Variants in CFAP92 observed in about 807,000 individuals in gnomAD.
CFAP92 encodes cilia and flagella associated protein 92 (putative).
Under a neutral mutation model 106.3 loss-of-function variants are expected in CFAP92, and 86 were observed. That is an observed-to-expected ratio of 0.81 (90% CI 0.68 to 0.97). The LOEUF (loss-of-function observed/expected upper bound fraction) is 0.97, where lower values mean the gene tolerates loss of function less well. Ranked by LOEUF, CFAP92 falls within the 50% of genes least tolerant of loss-of-function variation. CFAP92 has a pLI of 0.00. For missense variants in CFAP92, 1,204 were observed against 1,283.8 expected (o/e 0.94, Z 0.95); for synonymous variants, 477 against 506.4 (o/e 0.94, Z 0.78).
chr3:129,024,027 C>T, the CFAP92 span, among the ~76,000 whole-genome samples: 2 of 152,222 alleles, frequency 1.3e-5, no homozygotes, highest in Non-Finnish European at 2.9e-5. Context: ...TTTCCTTGCA[C>T]TTCCACCCCT....
At chr3:128,911,409 C>G (rs1303967442) in intron 15 of CFAP92, among the ~76,000 whole-genome samples, 1 of 152,078 alleles carries the variant, frequency 6.6e-6, no homozygotes, top group Non-Finnish European at 1.5e-5. Context: ...CGCAGGACCC[C>G]TGGCATCTGC....
At chr3:128,952,866 C>A (rs953040770) in intron 9 of CFAP92, among the ~76,000 whole-genome samples, 1 of 151,228 alleles carries the variant, frequency 6.6e-6, no homozygotes, top group Non-Finnish European at 1.5e-5. Context: ...GGGTGGCTCA[C>A]GAGATCAGGA....
chr3:128,945,577 G>A lies in CFAP92; in HGVS notation c.1752C>T (p.Val584=). 2 of 1,536,162 alleles carry A rather than the reference G, an allele frequency of 1.3e-6. No individual in the cohort carries two copies. Among genetic ancestry groups the A allele is most frequent in the Non-Finnish European group, 8.7e-7 (1 of 1,146,918 alleles). Reference sequence around the variant, plus strand: ...GCTGAACCTCACAGCTGTGGATGGGGACGGCCAGATTCAAGTACTTGTGGC... The same window carrying A: ...GCTGAACCTCACAGCTGTGGATGGGAACGGCCAGATTCAAGTACTTGTGGC... ...LLGHKYLNLA[V]PIHSCEVQPT... The change falls in exon 10 of 16, where the codon GTC becomes GTT. Residue 584 remains valine (V), a synonymous_variant. Coordinates refer to ENST00000645291, the MANE Select transcript of CFAP92 (RefSeq NM_001394090.1).
At chr3:128,926,964 C>T (rs552658229) in intron 12 of CFAP92, among the ~76,000 whole-genome samples, 71 of 152,068 alleles carry the variant, frequency 4.7e-4, no homozygotes, top group Non-Finnish European at 7.8e-4. Flanking sequence ...TGTGGTGGCG[C>T]ATGCTTGTAG....
At chr3:128,910,656 G>C in intron 15 of CFAP92, 2 of 1,456,048 alleles carry the variant, frequency 1.4e-6, no homozygotes, top group South Asian at 2.3e-5. Flanking sequence ...ATGCTACCCA[G>C]TTTGGCTGAT....
chr3:129,002,096 T>G (rs1340593423), intron 1 of CFAP92: 1 of 1,509,652 alleles, frequency 6.6e-7, no homozygotes, highest in Admixed American at 2.2e-5. Context: ...TCGGCACCCG[T>G]GCGGGGCCCC....
intron 12 of CFAP92, among the ~76,000 whole-genome samples, chr3:128,917,616 TAAG>T (rs763320293): frequency 8.5e-5 from 13 of 152,098 alleles, no homozygotes; most frequent in Non-Finnish European, 1.8e-4. Flanking sequence ...GAATTTAACA[TAAG>T]AAATTGTTTT....
chr3:128,916,386 T>A (rs1936820693), intron 12 of CFAP92, 115 bp from the exon 13 acceptor site: 1 of 629,514 alleles, frequency 1.6e-6, no homozygotes, highest in South Asian at 8.6e-5. Flanking sequence ...ATTGATTGAT[T>A]CTTCAATACT....
chr3:129,024,837 G>A, the CFAP92 span, among the ~76,000 whole-genome samples: 1 of 152,168 alleles, frequency 6.6e-6, no homozygotes, highest in Non-Finnish European at 1.5e-5. Context: ...TGAACTTTGG[G>A]GGACACATTC....
chr3:128,930,490 G>A (rs1406110481), intron 12 of CFAP92, among the ~76,000 whole-genome samples: 5 of 148,528 alleles, frequency 3.4e-5, no homozygotes, highest in African/African-American at 5.1e-5. Flanking sequence ...GCCAGGCGTG[G>A]TCACCTGTAA....
intron 5 of CFAP92, among the ~76,000 whole-genome samples, chr3:128,977,814 G>A (rs898646397): frequency 6.6e-6 from 1 of 152,200 alleles, no homozygotes; most frequent in East Asian, 1.9e-4. Context: ...AGCCAAGATC[G>A]TGCCATTGCA....
chr3:128,928,752 C>T (rs760943406), intron 12 of CFAP92, among the ~76,000 whole-genome samples: 2 of 151,406 alleles, frequency 1.3e-5, no homozygotes, highest in Non-Finnish European at 2.9e-5. Context: ...ACTATAACAC[C>T]AAAAGCATGA....
chr3:128,972,811 C>T (rs1007197929), intron 7 of CFAP92, among the ~76,000 whole-genome samples: 8 of 151,054 alleles, frequency 5.3e-5, no homozygotes, highest in Admixed American at 2.6e-4. Context: ...GCCCAGATCG[C>T]GCCATTGTAC....
At chr3:128,940,872 CTT>C in intron 10 of CFAP92, among the ~76,000 whole-genome samples, 1 of 151,394 alleles carries the variant, frequency 6.6e-6, no homozygotes, top group East Asian at 1.9e-4. Context: ...AAAGTATGGA[CTT>C]TGATGAAAAA....
At chr3:129,001,396 T>G (rs576328186) in intron 1 of CFAP92, among the ~76,000 whole-genome samples, 4 of 152,296 alleles carry the variant, frequency 2.6e-5, no homozygotes, top group Admixed American at 1.3e-4. Context: ...CTGGTGGCGC[T>G]GCCGGGGTCC....
upstream of CFAP92, chr3:129,003,789 C>G (rs1944920952): frequency 8.3e-6 from 12 of 1,440,406 alleles, no homozygotes; most frequent in Non-Finnish European, 1.0e-5. Context: ...GCCCTGTCCC[C>G]GCAGGTCGGA....
intron 10 of CFAP92, among the ~76,000 whole-genome samples, chr3:128,939,742 G>A (rs1433098343): frequency 3.3e-5 from 5 of 152,162 alleles, no homozygotes; most frequent in African/African-American, 9.7e-5. Context: ...GGGGTTGGGA[G>A]GATGATTTCA....
intron 10 of CFAP92, among the ~76,000 whole-genome samples, chr3:128,941,620 G>A (rs1280932298): frequency 2.0e-5 from 3 of 152,122 alleles, no homozygotes; most frequent in Non-Finnish European, 4.4e-5. Flanking sequence ...GGGAATACAA[G>A]CATGTGCCAC....
chr3:129,018,446 A>C, the CFAP92 span, among the ~76,000 whole-genome samples: 2 of 152,266 alleles, frequency 1.3e-5, no homozygotes, highest in African/African-American at 4.8e-5. Context: ...CGATGAATAA[A>C]GTTTTATTGG....
Sources: gnomAD v4.1 joint callset for allele counts (sites outside exome capture counted in the v4.1 genomes callset) on GRCh38, gnomAD v4.1.1 for gene constraint, MANE v1.5 for transcripts, NCBI Gene and HGNC (gene_info 2026-07-23, HGNC 2026-07-21) for gene names.